The following METTL15 variants were observed in gnomAD, a reference collection of about 807,000 sequenced individuals.
The protein encoded by METTL15 is methyltransferase 15, mitochondrial 12S rRNA N4-cytidine.
A neutral mutation model predicts 38.3 loss-of-function variants in METTL15; 34 were observed. The ratio of observed to expected loss-of-function variants is 0.89; its 90% confidence interval spans 0.68 to 1.18. The LOEUF is 1.18. Among genes scored for constraint, METTL15 ranks in the 50% most tolerant of loss-of-function variants. The probability of loss-of-function intolerance (pLI) is 0.00; values close to 1 mark genes in which losing one functional copy is unlikely to be tolerated. For missense variants in METTL15, 438 were observed against 498.4 expected (o/e 0.88, Z 1.15); for synonymous variants, 162 against 170.9 (o/e 0.95, Z 0.41).
intron 5 of METTL15, among the ~76,000 whole-genome samples, chr11:28,419,196 A>G (rs1186510932): frequency 1.3e-5 from 2 of 152,228 alleles, no homozygotes; most frequent in Non-Finnish European, 2.9e-5. Context: ...ACCCAGTGCT[A>G]TGCCAGTTTC....
At chr11:28,157,093 G>A (rs935509292) in intron 3 of METTL15, among the ~76,000 whole-genome samples, 1 of 152,126 alleles carries the variant, frequency 6.6e-6, no homozygotes, top group African/African-American at 2.4e-5. Context: ...CAACTTGATT[G>A]GATTGAAGGA....
intron 5 of METTL15, among the ~76,000 whole-genome samples, chr11:28,420,460 T>C (rs923008499): frequency 1.3e-5 from 2 of 152,162 alleles, no homozygotes; most frequent in African/African-American, 4.8e-5. Flanking sequence ...GGATGGACCT[T>C]ATGTTAGTCC....
chr11:28,176,775 C>G (rs1851091904), intron 3 of METTL15, among the ~76,000 whole-genome samples: 1 of 151,936 alleles, frequency 6.6e-6, no homozygotes, highest in Non-Finnish European at 1.5e-5. Flanking sequence ...AGTTGCCTTA[C>G]ATGTAAAATG....
intron 4 of METTL15, among the ~76,000 whole-genome samples, chr11:28,214,179 A>T (rs1197472180): frequency 3.3e-5 from 5 of 152,030 alleles, no homozygotes; most frequent in Non-Finnish European, 5.9e-5. Context: ...AGTAGCTGGG[A>T]CTACAGGTAT....
rs569529535 is a variant in METTL15 at position 28,239,046 on chromosome 11, C to G, written c.407+27848C>G. On this transcript the variant is annotated intron_variant, in intron 4 of 6. Coordinates refer to ENST00000407364, the MANE Select transcript of METTL15 (RefSeq NM_001113528.2). ...CTAATATTTGTTCTTCTTCAGGGCT[C>G]ATTCTACAGGCCTCTTTTCTATTTA... is the stretch of plus-strand genomic sequence containing the variant. Among the ~76,000 whole-genome samples the G allele has an allele frequency of 2.3e-4, 35 of 152,130 alleles. No homozygotes were observed. In the Middle Eastern group the frequency reaches 0.01, roughly 44 times the overall value.
chr11:28,168,598 C>A, intron 3 of METTL15, among the ~76,000 whole-genome samples: 1 of 133,346 alleles, frequency 7.5e-6, no homozygotes, highest in South Asian at 2.3e-4. Flanking sequence ...GATATATCTC[C>A]TAATGCTATC....
intron 6 of METTL15, among the ~76,000 whole-genome samples, chr11:28,300,184 C>G (rs1203492396): frequency 6.6e-6 from 1 of 152,106 alleles, no homozygotes; most frequent in African/African-American, 2.4e-5. Context: ...GTTTGACAAA[C>G]ATGTATTTTG....
intron 6 of METTL15, among the ~76,000 whole-genome samples, chr11:28,519,575 C>T (rs1851747455): frequency 6.6e-6 from 1 of 151,598 alleles, no homozygotes; most frequent in Non-Finnish European, 1.5e-5. Context: ...AAAGAAGAAC[C>T]TCAGAGATCA....
chr11:28,432,865 C>T (rs1393999766), intron 6 of METTL15, among the ~76,000 whole-genome samples: 1 of 151,866 alleles, frequency 6.6e-6, no homozygotes, highest in Non-Finnish European at 1.5e-5. Flanking sequence ...CCTAGTGAAG[C>T]ATTCTTTCTT....
chr11:28,531,020 T>G (rs1271816855), downstream of METTL15, among the ~76,000 whole-genome samples: 1 of 152,108 alleles, frequency 6.6e-6, no homozygotes, highest in African/African-American at 2.4e-5. Flanking sequence ...TTTATTTCCC[T>G]GTTTTACATA....
chr11:28,502,740 T>A (rs886763882), intron 6 of METTL15, among the ~76,000 whole-genome samples: 1 of 152,044 alleles, frequency 6.6e-6, no homozygotes, highest in Non-Finnish European at 1.5e-5. Context: ...ATGTTGAGGG[T>A]TGTGAGAAGT....
intron 5 of METTL15, among the ~76,000 whole-genome samples, chr11:28,379,349 A>G (rs371254397): frequency 1.3e-5 from 2 of 152,124 alleles, no homozygotes; most frequent in South Asian, 2.1e-4. Flanking sequence ...GTTTATTGCT[A>G]TAAATGTCCC....
rs74948310 is a variant in METTL15, at chr11:28,481,964, A to G, written c.*425-44514A>G. 3.4e-3 allele frequency among the ~76,000 whole-genome samples: 523 copies of G among 152,290 alleles called. 2 individuals carry two copies. The highest frequency in any genetic ancestry group is 0.012 in the African/African-American group (512 of 41,564). ...TTTAATTCTGAAATACATTTTCTCA[A>G]GAGGTGTTCATTTGAGCTCCCTGGA... On this transcript the variant is annotated intron_variant and NMD_transcript_variant, in intron 6 of 7. Transcript: ENST00000532947.
At chr11:28,452,079 C>A (rs1851127986) in intron 6 of METTL15, among the ~76,000 whole-genome samples, 1 of 152,124 alleles carries the variant, frequency 6.6e-6, no homozygotes, top group African/African-American at 2.4e-5. Flanking sequence ...TTTTGGGGGA[C>A]CCTGGTAGAC....
chr11:28,163,562 T>C (rs917974696), intron 3 of METTL15: 2 of 397,294 alleles, frequency 5.0e-6, no homozygotes, highest in African/African-American at 4.1e-5. Flanking sequence ...TGTGTGTGTG[T>C]GTGTGTTTGT....
intron 5 of METTL15, among the ~76,000 whole-genome samples, chr11:28,405,843 A>G (rs1850668832): frequency 6.6e-6 from 1 of 152,098 alleles, no homozygotes; most frequent in Non-Finnish European, 1.5e-5. Context: ...GCTTTGGCAT[A>G]CCCACCTCTC....
chr11:28,113,523 A>T lies in METTL15; in HGVS notation c.189A>T (p.Arg63Ser). The change falls in exon 3 of 7, where the codon AGA becomes AGT. Residue 63 changes from arginine (R) to serine (S), a missense_variant. Physicochemically the swap from Arg to Ser is moderately radical, Grantham distance 110. Coordinates refer to ENST00000407364, the MANE Select transcript of METTL15 (RefSeq NM_001113528.2). ...QAQELHRSQD[R>S]DFETMAKLHI... ...AGGAGTTACACAGATCTCAAGATAGAGATTTTGAAACTATGGCTAAATTAC... is the reference window on the plus strand; with the variant it reads ...AGGAGTTACACAGATCTCAAGATAGTGATTTTGAAACTATGGCTAAATTAC... 3 of 1,613,628 alleles carry T rather than the reference A, an allele frequency of 1.9e-6. No homozygotes were observed. The highest frequency in any genetic ancestry group is 2.5e-6 in the Non-Finnish European group (3 of 1,179,774).
intron 6 of METTL15, among the ~76,000 whole-genome samples, chr11:28,512,338 C>T (rs1290486852): frequency 3.3e-5 from 5 of 152,232 alleles, no homozygotes; most frequent in Non-Finnish European, 7.3e-5. Flanking sequence ...CGCCCGCACT[C>T]CTCAGCCCTT....
chr11:28,276,887 C>T (rs1855864044), intron 4 of METTL15, among the ~76,000 whole-genome samples: 1 of 152,122 alleles, frequency 6.6e-6, no homozygotes. Context: ...AACTGGACCT[C>T]TATCTCTCTT....
Sources: allele counts gnomAD v4.1 joint callset (sites outside exome capture counted in the v4.1 genomes callset), GRCh38; gene constraint gnomAD v4.1.1; transcripts MANE v1.5; gene names NCBI Gene and HGNC (gene_info 2026-07-23, HGNC 2026-07-21).